Variants in KCNH5 observed in about 807,000 individuals in gnomAD.
KCNH5 encodes voltage-gated delayed rectifier potassium channel KCNH5.
A neutral mutation model predicts 96.1 loss-of-function variants in KCNH5; 46 were observed. The observed-to-expected ratio is 0.48, with a 90% CI of 0.38 to 0.61. The LOEUF (loss-of-function observed/expected upper bound fraction) is 0.61. Among genes scored for constraint, KCNH5 ranks in the 20% least tolerant of loss-of-function variants. The probability of loss-of-function intolerance (pLI) is 0.00; values close to 1 mark genes in which losing one functional copy is unlikely to be tolerated. For synonymous variants in KCNH5, 439 were observed against 449.8 expected, an observed-to-expected ratio of 0.98 and a Z score of 0.30; for missense variants, 907 against 1,225.8, an observed-to-expected ratio of 0.74 and a Z score of 3.88.
Position 62,798,740 on chromosome 14 carries a change from T to G in KCNH5, c.1822+3589A>C, listed in dbSNP as rs149321980. On this transcript the variant is annotated intron_variant, in intron 9 of 10. Transcript: ENST00000322893. ...AATTTTTTATCTTTCCATTAATTAG[T>G]TATGCTTCAGAACTTATTCATTAAA... 1.0e-3 allele frequency among the ~76,000 whole-genome samples: 153 copies of G among 152,330 alleles called. 1 individual carries two copies. The East Asian group carries it at 0.012, about 12-fold the overall frequency.
At chr14:62,975,360 A>T (rs967773088) in intron 6 of KCNH5, among the ~76,000 whole-genome samples, 2 of 152,186 alleles carry the variant, frequency 1.3e-5, no homozygotes, top group Non-Finnish European at 2.9e-5. Context: ...AGGGGTAATA[A>T]AGAGCCAATC....
chr14:62,959,877 C>A (rs1305055332), intron 6 of KCNH5, among the ~76,000 whole-genome samples: 1 of 152,142 alleles, frequency 6.6e-6, no homozygotes, highest in Non-Finnish European at 1.5e-5. Context: ...ACGGGAGTTT[C>A]CTAACTGTCA....
At chr14:62,830,357 G>GGTATCAGTTTCCT (rs1283329956) in intron 8 of KCNH5, among the ~76,000 whole-genome samples, 1 of 152,080 alleles carries the variant, frequency 6.6e-6, no homozygotes, top group East Asian at 1.9e-4. Flanking sequence ...TCACTCTTCT[G>GGTATCAGTTTCCT]GTATCAGTTT....
chr14:63,021,484 C>T (rs143682717), intron 1 of KCNH5, among the ~76,000 whole-genome samples: 63 of 152,222 alleles, frequency 4.1e-4, no homozygotes, highest in African/African-American at 1.4e-3. Flanking sequence ...CTTTGCCCAT[C>T]AAAACACTTA....
At chr14:62,886,406 T>G (rs1351828552) in intron 7 of KCNH5, among the ~76,000 whole-genome samples, 2 of 152,182 alleles carry the variant, frequency 1.3e-5, no homozygotes, top group Non-Finnish European at 2.9e-5. Context: ...GTTCATGTTT[T>G]CAAGAGCACA....
At position 62,709,232 on chromosome 14, in the gene KCNH5, C is replaced by CAAAAAAAAAAAAAAAAA. The variant is rs67304113; in HGVS notation, c.2020-794_2020-778dup. On this transcript the variant is annotated intron_variant, in intron 10 of 10. Transcript: ENST00000322893. ...TGGGCGACAGAACGAGACTCCTTCT[C>CAAAAAAAAAAAAAAAAA]AAAAAAAAAAAAAAAAAAAAAAAAA... Among the ~76,000 whole-genome samples, 21 of 71,566 alleles carry CAAAAAAAAAAAAAAAAA rather than the reference C, an allele frequency of 2.9e-4. 2 individuals carry two copies. In the East Asian group the frequency reaches 6.5e-3, roughly 22 times the overall value. The allele number at this position is 71,566 out of a possible 152,430, so 47.0% of individuals were successfully genotyped here.
intron 7 of KCNH5, among the ~76,000 whole-genome samples, chr14:62,912,037 CAAAAAAAAAA>C (rs1163755853): frequency 5.0e-5 from 4 of 79,666 alleles, no homozygotes; most frequent in Non-Finnish European, 7.3e-5. Flanking sequence ...GACTCCTAAT[CAAAAAAAAAA>C]AAAAAAAAAA....
chr14:62,765,803 C>T (rs79188963), intron 10 of KCNH5, among the ~76,000 whole-genome samples: 2,108 of 152,140 alleles, frequency 0.014, 39 homozygotes, highest in African/African-American at 0.048. Context: ...TTGAGCAATA[C>T]CCCACAAGCA....
chr14:62,738,737 C>T (rs1241477129), intron 10 of KCNH5, among the ~76,000 whole-genome samples: 1 of 152,078 alleles, frequency 6.6e-6, no homozygotes, highest in African/African-American at 2.4e-5. Context: ...GGCACTGTGC[C>T]TAATGGAGGG....
At chr14:62,758,260 T>G (rs1885669022) in intron 10 of KCNH5, among the ~76,000 whole-genome samples, 1 of 152,134 alleles carries the variant, frequency 6.6e-6, no homozygotes, top group Admixed American at 6.5e-5. Flanking sequence ...AAAAGTATGA[T>G]TGGATTGCTT....
At chr14:62,862,258 G>A (rs78220692) in intron 7 of KCNH5, among the ~76,000 whole-genome samples, 150 of 152,140 alleles carry the variant, frequency 9.9e-4, no homozygotes, top group Admixed American at 2.8e-3. Context: ...AGATTGATCC[G>A]AGATACAAAG....
intron 7 of KCNH5, among the ~76,000 whole-genome samples, chr14:62,876,380 A>G (rs1292504227): frequency 6.6e-6 from 1 of 152,386 alleles, no homozygotes; most frequent in Non-Finnish European, 1.5e-5. Context: ...GGAAAAAGAA[A>G]TAAGACACAC....
chr14:62,978,852 T>C (rs1434660229), intron 6 of KCNH5, among the ~76,000 whole-genome samples: 1 of 152,220 alleles, frequency 6.6e-6, no homozygotes, highest in Admixed American at 6.5e-5. Context: ...ATGTATGCAT[T>C]GTGGAATGAC....
intron 7 of KCNH5, among the ~76,000 whole-genome samples, chr14:62,945,538 G>T (rs1357943315): frequency 1.3e-5 from 2 of 152,106 alleles, no homozygotes; most frequent in Non-Finnish European, 1.5e-5. Flanking sequence ...GGGGATACAA[G>T]AAACGGACAG....
chr14:63,004,264 T>G (rs1891085390), intron 3 of KCNH5, among the ~76,000 whole-genome samples: 1 of 152,198 alleles, frequency 6.6e-6, no homozygotes, highest in South Asian at 2.1e-4. Flanking sequence ...AAGCTGCATT[T>G]AAATAGCAAA....
chr14:63,011,388 G>A (rs1488382878), intron 2 of KCNH5, among the ~76,000 whole-genome samples: 1 of 151,192 alleles, frequency 6.6e-6, no homozygotes, highest in African/African-American at 2.4e-5. Context: ...TGAGGCAAAA[G>A]AATCACTTGA....
intron 6 of KCNH5, among the ~76,000 whole-genome samples, chr14:62,956,631 C>CG (rs560370805): frequency 0.013 from 465 of 35,594 alleles, 2 homozygotes; most frequent in East Asian, 0.028. Flanking sequence ...TTGGTGGGGG[C>CG]GGGGGGGGGC....
At chr14:63,018,651 G>A (rs1379113813) in intron 1 of KCNH5, among the ~76,000 whole-genome samples, 1 of 151,950 alleles carries the variant, frequency 6.6e-6, no homozygotes, top group East Asian at 1.9e-4. Flanking sequence ...AAAAAATGTA[G>A]AAATTAGACC....
In KCNH5 at chr14:62,878,201, TGGG is replaced by T. The variant is rs66735494; in HGVS notation, c.1370-28352_1370-28350del. Among the ~76,000 whole-genome samples, 19 of 89,604 alleles carry T rather than the reference TGGG, an allele frequency of 2.1e-4. 1 individual carries two copies. Among genetic ancestry groups the T allele is most frequent in the South Asian group, 1.8e-3 (7 of 3,960 alleles). 58.8% of individuals were successfully genotyped at this position (89,604 alleles called of 152,430 possible). ...CACACTCTGGGGACTGTTGTGGGGA[TGGG>T]GGGGGGGGCGGAGGGATAGCATTAG... On this transcript the variant is annotated intron_variant, in intron 7 of 10. Transcript: ENST00000322893.
Sources: gnomAD v4.1 joint callset for allele counts (sites outside exome capture counted in the v4.1 genomes callset) on GRCh38, gnomAD v4.1.1 for gene constraint, MANE v1.5 for transcripts, NCBI Gene and HGNC (gene_info 2026-07-23, HGNC 2026-07-21) for gene names.